The following PTPN21 variants were observed in gnomAD, a reference collection of about 807,000 sequenced individuals.
PTPN21 encodes protein tyrosine phosphatase non-receptor type 21.
Under a neutral mutation model 131.8 loss-of-function variants are expected in PTPN21, and 77 were observed. The observed-to-expected ratio is 0.58, with a 90% CI of 0.49 to 0.71. The LOEUF is 0.71. PTPN21 is among the 30% of genes least tolerant of loss of function. The pLI is 0.00. For missense variants in PTPN21, 1,552 were observed against 1,527.1 expected, an observed-to-expected ratio of 1.02 and a Z score of -0.27; for synonymous variants, 715 against 621.3, an observed-to-expected ratio of 1.15 and a Z score of -2.24.
chr14:88,549,930 C>T (rs1412717397), intron 2 of PTPN21, among the ~76,000 whole-genome samples: 4 of 152,030 alleles, frequency 2.6e-5, no homozygotes, highest in Non-Finnish European at 5.9e-5. Flanking sequence ...ACCCTACAGG[C>T]GCCCACCACC....
Position 88,479,021 on chromosome 14 carries a change from A to T in PTPN21, c.2410T>A (p.Ser804Thr). Residue 804 changes from serine (S) to threonine (T), a missense_variant, in exon 13 of 19, where the codon TCA becomes ACA. Ser to Thr is a moderately conservative substitution (Grantham distance 58). Around this residue, in one of 4 missense-constraint regions of PTPN21, gnomAD observed 1,016 missense variants for 883.5 expected, o/e 1.15. Coordinates refer to ENST00000556564, the MANE Select transcript of PTPN21 (RefSeq NM_007039.4). ...PSMSESDLTTSGRYRARRDSL... is the reference protein window; with the variant it reads ...PSMSESDLTTTGRYRARRDSL... ...TCCCTCCGGGCTCGGTAGCGGCCTG[A>T]CGTGGTGAGGTCGGACTCCGACATG... is the stretch of plus-strand genomic sequence containing the variant. 6.2e-7 allele frequency: 1 copy of T among 1,606,530 alleles called. No individual in the cohort carries two copies. The highest frequency in any genetic ancestry group is 8.5e-7 in the Non-Finnish European group (1 of 1,177,182).
chr14:88,548,725 T>C (rs2139367096), intron 2 of PTPN21, among the ~76,000 whole-genome samples: 1 of 152,292 alleles, frequency 6.6e-6, no homozygotes, highest in Non-Finnish European at 1.5e-5. Context: ...TTCTCTAACT[T>C]TCCCTTACCC....
chr14:88,502,039 G>C (rs1196205678), intron 6 of PTPN21, among the ~76,000 whole-genome samples: 2 of 152,058 alleles, frequency 1.3e-5, no homozygotes, highest in East Asian at 1.9e-4. Flanking sequence ...GCTAAATGTC[G>C]AACGCAGGGA....
intron 2 of PTPN21, among the ~76,000 whole-genome samples, chr14:88,517,738 TAC>T (rs1447813905): frequency 9.2e-6 from 1 of 108,908 alleles, no homozygotes; most frequent in Non-Finnish European, 1.8e-5. Context: ...ATACTATATA[TAC>T]ACGTGTGTAT....
chr14:88,524,274 G>C (rs930312438), intron 2 of PTPN21, among the ~76,000 whole-genome samples: 2 of 152,134 alleles, frequency 1.3e-5, no homozygotes, highest in Non-Finnish European at 2.9e-5. Flanking sequence ...GGCATAAGGA[G>C]AGACATATAG....
intron 2 of PTPN21, among the ~76,000 whole-genome samples, chr14:88,544,218 G>A (rs953330406): frequency 1.4e-4 from 21 of 152,046 alleles, no homozygotes; most frequent in African/African-American, 4.8e-4. Flanking sequence ...GGTGGCAGGT[G>A]CCTGTAATCC....
At chr14:88,544,515 A>G (rs2078748586) in intron 2 of PTPN21, among the ~76,000 whole-genome samples, 1 of 152,188 alleles carries the variant, frequency 6.6e-6, no homozygotes, top group Non-Finnish European at 1.5e-5. Flanking sequence ...AATGTTTTAC[A>G]TTTAACACCG....
chr14:88,549,946 C>T (rs961540355), intron 2 of PTPN21, among the ~76,000 whole-genome samples: 4 of 151,976 alleles, frequency 2.6e-5, no homozygotes, highest in African/African-American at 4.8e-5. Context: ...CCACCACGTC[C>T]GGCTAATTTT....
chr14:88,480,436 T>A (rs1043242966), intron 12 of PTPN21, 84 bp from the exon 13 acceptor site: 50 of 1,089,548 alleles, frequency 4.6e-5, no homozygotes, highest in Non-Finnish European at 9.2e-6. Flanking sequence ...TTACCTCTGA[T>A]GACATTTTTA....
chr14:88,514,741 G>C (rs1485808028), intron 3 of PTPN21, among the ~76,000 whole-genome samples: 1 of 152,074 alleles, frequency 6.6e-6, no homozygotes, highest in African/African-American at 2.4e-5. Context: ...TGGGATTACA[G>C]GTGTGAGCCA....
At chr14:88,541,037 G>A (rs1044717260) in intron 2 of PTPN21, among the ~76,000 whole-genome samples, 2 of 152,090 alleles carry the variant, frequency 1.3e-5, no homozygotes, top group Non-Finnish European at 2.9e-5. Context: ...AGCCTGAGTA[G>A]GCAAAATAAG....
chr14:88,476,032 T>A (rs1595345359), intron 13 of PTPN21, among the ~76,000 whole-genome samples: 1 of 152,166 alleles, frequency 6.6e-6, no homozygotes, highest in East Asian at 1.9e-4. Flanking sequence ...AAAAAGAAAA[T>A]CTTTATGTAG....
chr14:88,486,287 G>T (rs971124591), intron 10 of PTPN21, among the ~76,000 whole-genome samples: 5 of 152,136 alleles, frequency 3.3e-5, no homozygotes, highest in Non-Finnish European at 7.4e-5. Flanking sequence ...CCTCCCGGGG[G>T]ACCATCCACT....
intron 6 of PTPN21, among the ~76,000 whole-genome samples, 159 bp from the exon 7 acceptor site, chr14:88,501,527 G>A (rs1425774217): frequency 2.0e-5 from 3 of 152,086 alleles, no homozygotes; most frequent in African/African-American, 2.4e-5. Flanking sequence ...GCTATTTACT[G>A]AAAACCAGTA....
chr14:88,475,922 A>C (rs116224598), intron 13 of PTPN21, among the ~76,000 whole-genome samples: 153 of 152,376 alleles, frequency 1.0e-3, no homozygotes, highest in African/African-American at 3.6e-3. Context: ...ACTAGCCTTG[A>C]ATATGCCTTA....
chr14:88,475,509 C>T (rs1390297131), intron 13 of PTPN21, among the ~76,000 whole-genome samples: 1 of 152,184 alleles, frequency 6.6e-6, no homozygotes, highest in Admixed American at 6.5e-5. Context: ...CCTCTGTAAG[C>T]CTCACCTAGA....
intron 14 of PTPN21, 105 bp from the exon 15 acceptor site, chr14:88,472,570 A>G: frequency 2.7e-6 from 2 of 739,318 alleles, no homozygotes; most frequent in Non-Finnish European, 4.4e-6. Flanking sequence ...CTAGCACTGT[A>G]TAATATTGAA....
chr14:88,469,696 C>A lies in PTPN21; in HGVS notation c.3038G>T (p.Arg1013Leu). 6.2e-7 allele frequency: 1 copy of A among 1,614,126 alleles called. No individual in the cohort carries two copies. Among genetic ancestry groups the A allele is most frequent in the South Asian group, 1.1e-5 (1 of 91,050 alleles). The change falls in exon 17 of 19, where the codon CGA becomes CTA. Residue 1013 changes from arginine (R) to leucine (L), a missense_variant. Arg to Leu is a moderately radical substitution (Grantham distance 102). Transcript: ENST00000556564. This position sits in a 1 kb window ranked among gnomAD's most constrained non-coding sequence, Gnocchi z 4.3. Reference sequence around the variant, plus strand: ...GACAGTGTTGTGCCTGGAACCAAGTCGTGGCCAGTACCTAAAGCTCTTCTC... The same window carrying A: ...GACAGTGTTGTGCCTGGAACCAAGTAGTGGCCAGTACCTAAAGCTCTTCTC... ...GREKSFRYWP[R>L]LGSRHNTVTY...
chr14:88,473,753 A>G lies in PTPN21; in HGVS notation c.2561T>C (p.Leu854Pro). 1.9e-6 allele frequency: 3 copies of G among 1,610,530 alleles called. No homozygotes were observed. The highest frequency in any genetic ancestry group is 2.5e-6 in the Non-Finnish European group (3 of 1,179,366). The change falls in exon 14 of 19, where the codon CTG becomes CCG. Residue 854 changes from leucine (L) to proline (P), a missense_variant. Physicochemically the swap from Leu to Pro is moderately conservative, Grantham distance 98 (BLOSUM62 -3). Coordinates refer to ENST00000556564, the MANE Select transcript of PTPN21 (RefSeq NM_007039.4). ...VDAKKIGPLK[L>P]AALNGLSLSR... Reference sequence around the variant, plus strand: ...TAGGGAGAGTCCATTTAGGGCAGCCAGTTTAAGAGGACCAATTTTTTTTGC... The same window carrying G: ...TAGGGAGAGTCCATTTAGGGCAGCCGGTTTAAGAGGACCAATTTTTTTTGC...
Sources: allele counts gnomAD v4.1 joint callset (sites outside exome capture counted in the v4.1 genomes callset), GRCh38; gene constraint gnomAD v4.1.1; regional missense constraint gnomAD v4.1.1; non-coding constraint Gnocchi (gnomAD v3.1); transcripts MANE v1.5; gene names NCBI Gene and HGNC (gene_info 2026-07-23, HGNC 2026-07-21).